Variants in CALCRL observed in about 807,000 individuals in gnomAD.
The protein encoded by CALCRL is calcitonin receptor like receptor.
CALCRL carries 27 observed loss-of-function variants against 60.4 expected under a neutral mutation model. The observed-to-expected ratio is 0.45, with a 90% confidence interval of 0.33 to 0.62. CALCRL has a LOEUF of 0.62. Among genes scored for constraint, CALCRL ranks in the 20% least tolerant of loss-of-function variants. The pLI is 0.03. For missense variants in CALCRL, 424 were observed against 540.7 expected, an observed-to-expected ratio of 0.78 and a Z score of 2.14; for synonymous variants, 190 against 182.6, an observed-to-expected ratio of 1.04 and a Z score of -0.33.
intron 1 of CALCRL, among the ~76,000 whole-genome samples, chr2:187,429,907 T>C (rs1690323292): frequency 6.6e-6 from 1 of 152,142 alleles, no homozygotes; most frequent in South Asian, 2.1e-4. Context: ...AAAAATATAG[T>C]GTATTCCTCT....
At chr2:187,357,066 T>C (rs36146505) in intron 12 of CALCRL, among the ~76,000 whole-genome samples, 34,469 of 152,062 alleles carry the variant, frequency 0.23, 4,916 homozygotes, top group Middle Eastern at 0.39. Context: ...GAGTGTAAAT[T>C]AGTTCAACCA....
chr2:187,343,739 A>T lies in CALCRL; in HGVS notation c.*2445T>A, dbSNP rs1686173608. The T allele has an allele frequency of 6.6e-6, 1 of 151,636 alleles. No individual in the cohort carries two copies. The highest frequency in any genetic ancestry group is 2.1e-4 in the South Asian group (1 of 4,830). 9.4% of individuals were successfully genotyped at this position (151,636 alleles called of 1,614,324 possible). On this transcript the variant is annotated 3_prime_UTR_variant, in exon 15 of 15. Transcript: ENST00000392370. ...ACAGCAAAGAAGTTTGCTTTAAAAA[A>T]AGTGTCAGATTTACTTTGCTTTATG...
chr2:187,416,377 A>C (rs1292310626), intron 1 of CALCRL, among the ~76,000 whole-genome samples: 1 of 152,210 alleles, frequency 6.6e-6, no homozygotes, highest in African/African-American at 2.4e-5. Context: ...TGAATGACAT[A>C]GAATATCTTC....
rs1689358463 is a variant in CALCRL at position 187,411,560 on chromosome 2, TC to T, written c.-292-23805del. Among the ~76,000 whole-genome samples, 3 of 152,218 alleles carry T rather than the reference TC, an allele frequency of 2.0e-5. No homozygotes were observed. The South Asian group carries it at 6.2e-4, about 32-fold the overall frequency. On this transcript the variant is annotated intron_variant, in intron 1 of 14. Coordinates refer to ENST00000392370, the MANE Select transcript of CALCRL (RefSeq NM_005795.6). The stretch of plus-strand genomic sequence containing the variant: ...GAAAAAAAAATTATTTAGTGATGGA[TC>T]ATGAAATGGGATACCTAGATAAATG...
chr2:187,352,626 C>A (rs931006933), intron 12 of CALCRL, among the ~76,000 whole-genome samples: 1 of 151,720 alleles, frequency 6.6e-6, no homozygotes, highest in East Asian at 1.9e-4. Context: ...CTCATTTTCA[C>A]GTGCAATTAA....
chr2:187,363,646 A>G, intron 8 of CALCRL, 144 bp from the exon 9 acceptor site: 1 of 853,094 alleles, frequency 1.2e-6, no homozygotes, highest in Non-Finnish European at 1.7e-6. Flanking sequence ...ACTCATTACA[A>G]AAATCTTAAT....
intron 8 of CALCRL, among the ~76,000 whole-genome samples, chr2:187,374,302 T>C (rs141977809): frequency 1.3e-5 from 2 of 152,234 alleles, no homozygotes; most frequent in East Asian, 3.9e-4. Flanking sequence ...CTGAGAATGA[T>C]AATAATAAAG....
At chr2:187,407,748 A>G (rs1356518854) in intron 1 of CALCRL, among the ~76,000 whole-genome samples, 1 of 152,116 alleles carries the variant, frequency 6.6e-6, no homozygotes, top group Non-Finnish European at 1.5e-5. Flanking sequence ...CAACAAGTAC[A>G]TATTTAGGTA....
chr2:187,389,283 G>A (rs1009055599), intron 1 of CALCRL, among the ~76,000 whole-genome samples: 47 of 152,024 alleles, frequency 3.1e-4, no homozygotes, highest in African/African-American at 1.1e-3. Context: ...ATGTTGGCCA[G>A]GCTGGTCGCA....
intron 8 of CALCRL, among the ~76,000 whole-genome samples, chr2:187,372,412 T>C (rs1687569436): frequency 6.6e-6 from 1 of 152,090 alleles, no homozygotes; most frequent in Admixed American, 6.6e-5. Flanking sequence ...AGCCCTAAAG[T>C]TACGTCTCTT....
At chr2:187,378,215 A>G (rs1364119567) in intron 8 of CALCRL, among the ~76,000 whole-genome samples, 3 of 152,146 alleles carry the variant, frequency 2.0e-5, no homozygotes, top group Admixed American at 6.5e-5. Flanking sequence ...GATGACTACA[A>G]TGCGATGAAG....
Position 187,343,943 on chromosome 2 carries a change from A to T in CALCRL, c.*2241T>A, listed in dbSNP as rs1304046604. On this transcript the variant is annotated 3_prime_UTR_variant, in exon 15 of 15. Coordinates refer to ENST00000392370, the MANE Select transcript of CALCRL (RefSeq NM_005795.6). ...ATAAATCTGATCTAGAATTAATATT[A>T]TAAAAGCACAACAAAAATACTTGAA... The T allele has an allele frequency of 6.6e-6, 1 of 151,644 alleles. No individual in the cohort carries two copies. Among genetic ancestry groups the T allele is most frequent in the Non-Finnish European group, 1.5e-5 (1 of 67,636 alleles). The allele number at this position is 151,644 out of a possible 1,614,324, so 9.4% of individuals were successfully genotyped here. A position where few individuals can be genotyped will look rare whatever the true frequency, so the allele number is the denominator to read the frequency against.
At chr2:187,410,137 T>C (rs1297779681) in intron 1 of CALCRL, among the ~76,000 whole-genome samples, 4 of 152,054 alleles carry the variant, frequency 2.6e-5, no homozygotes, top group Non-Finnish European at 4.4e-5. Context: ...AGGAGTTCCT[T>C]TGAGATTTTG....
chr2:187,442,748 G>A (rs1690976040), intron 1 of CALCRL, among the ~76,000 whole-genome samples: 2 of 151,880 alleles, frequency 1.3e-5, no homozygotes, highest in Admixed American at 6.6e-5. Flanking sequence ...TATCTCTACT[G>A]TAGTATAGTC....
chr2:187,419,542 TAC>T (rs1689776429), intron 1 of CALCRL, among the ~76,000 whole-genome samples: 1 of 152,128 alleles, frequency 6.6e-6, no homozygotes, highest in African/African-American at 2.4e-5. Flanking sequence ...TGCAAATTAA[TAC>T]AGTTAGCTTG....
intron 1 of CALCRL, among the ~76,000 whole-genome samples, chr2:187,410,058 G>A (rs1231890736): frequency 6.6e-6 from 1 of 152,186 alleles, no homozygotes; most frequent in Non-Finnish European, 1.5e-5. Context: ...CCAGAAAATA[G>A]GTGGTTTAGC....
intron 1 of CALCRL, among the ~76,000 whole-genome samples, chr2:187,398,115 G>A (rs1279882497): frequency 1.3e-5 from 2 of 151,540 alleles, no homozygotes; most frequent in African/African-American, 4.8e-5. Context: ...TTAGTAAAAG[G>A]TGGAAGGGAG....
At position 187,380,712 on chromosome 2, in the gene CALCRL, A is replaced by G. The variant is rs61739909; in HGVS notation, c.260T>C (p.Leu87Pro). 3,607 of 1,614,054 alleles carry G rather than the reference A, an allele frequency of 2.2e-3. 4 individuals are homozygous for G. The highest frequency in any genetic ancestry group is 2.9e-3 in the Non-Finnish European group (3,448 of 1,179,908). Residue 87 changes from leucine to proline, a missense_variant, in exon 6 of 15, where the codon CTC (leucine) becomes CCC (proline). Leu to Pro is a moderately conservative substitution (Grantham distance 98, BLOSUM62 -3). Coordinates refer to ENST00000392370, the MANE Select transcript of CALCRL (RefSeq NM_005795.6). The stretch of plus-strand genomic sequence containing the variant: ...AAAGTCCTGAAAGTAATCAGGGCAG[A>G]GCTGCATTGATTCAGTTCCTGCTGC... ...DVAAGTESMQ[L>P]CPDYFQDFDP...
intron 1 of CALCRL, among the ~76,000 whole-genome samples, chr2:187,438,008 T>C (rs1690725385): frequency 1.3e-5 from 2 of 152,192 alleles, no homozygotes; most frequent in Admixed American, 6.5e-5. Flanking sequence ...AAAGTAAAGT[T>C]ATTGTTTTAC....
Sources: allele counts gnomAD v4.1 joint callset (sites outside exome capture counted in the v4.1 genomes callset), GRCh38; gene constraint gnomAD v4.1.1; transcripts MANE v1.5; gene names NCBI Gene and HGNC (gene_info 2026-07-23, HGNC 2026-07-21).